The following KIAA0825 variants were observed in gnomAD, a reference collection of about 807,000 sequenced individuals.
The protein encoded by KIAA0825 is KIAA0825.
In KIAA0825, 119 loss-of-function variants were observed where a neutral mutation model predicts 147.6. The observed-to-expected ratio is 0.81, with a 90% CI of 0.69 to 0.94. KIAA0825 has a LOEUF of 0.94. Among genes scored for constraint, KIAA0825 ranks in the 40% least tolerant of loss-of-function variants. KIAA0825 has a pLI of 0.00. For synonymous variants in KIAA0825, 470 were observed against 518.1 expected, an observed-to-expected ratio of 0.91 and a Z score of 1.26; for missense variants, 1,381 against 1,472.7, an observed-to-expected ratio of 0.94 and a Z score of 1.02.
intron 1 of KIAA0825, among the ~76,000 whole-genome samples, chr5:94,595,610 C>A (rs1229417935): frequency 6.6e-6 from 1 of 152,210 alleles, no homozygotes; most frequent in Non-Finnish European, 1.5e-5. Flanking sequence ...CTCCTCGTTA[C>A]TTACGCAAAT....
chr5:94,485,714 T>G (rs1762977036), intron 5 of KIAA0825, among the ~76,000 whole-genome samples: 1 of 151,838 alleles, frequency 6.6e-6, no homozygotes, highest in Non-Finnish European at 1.5e-5. Flanking sequence ...TTATTTGTAT[T>G]ATCCTGGCAA....
chr5:94,311,969 G>A (rs1297926769), intron 20 of KIAA0825, among the ~76,000 whole-genome samples: 3 of 151,616 alleles, frequency 2.0e-5, no homozygotes, highest in Non-Finnish European at 4.4e-5. Context: ...GCCCACCAGA[G>A]CTCCAGAGCT....
At chr5:94,241,672 G>A (rs1327902547) in intron 20 of KIAA0825, among the ~76,000 whole-genome samples, 1 of 152,036 alleles carries the variant, frequency 6.6e-6, no homozygotes. Context: ...TCCTACATTT[G>A]GGGAGTTTCA....
chr5:94,425,612 A>C (rs1450489481), intron 14 of KIAA0825, among the ~76,000 whole-genome samples: 1 of 152,118 alleles, frequency 6.6e-6, no homozygotes, highest in Non-Finnish European at 1.5e-5. Flanking sequence ...CCCCATCTCA[A>C]CAAAACAAAA....
rs1312924211 is a variant in KIAA0825, at chr5:94,173,021, G to A, written c.3711-18897C>T. ...TAATACCTTGCTTTCTAGATATGAA[G>A]CTATTATTTTTAGTAATAAAGTTAA... On this transcript the variant is annotated intron_variant, in intron 20 of 20. Transcript: ENST00000682413. Among the ~76,000 whole-genome samples the A allele has an allele frequency of 2.6e-5, 4 of 152,080 alleles. No individual in the cohort carries two copies. In the East Asian group the frequency reaches 7.7e-4, roughly 29 times the overall value.
At chr5:94,287,374 A>G (rs1385212919) in intron 20 of KIAA0825, among the ~76,000 whole-genome samples, 6 of 152,156 alleles carry the variant, frequency 3.9e-5, no homozygotes, top group Admixed American at 2.6e-4. Context: ...AGCAAGCATC[A>G]TTTCCTGAAT....
At chr5:94,477,316 CA>C (rs1399546172) in intron 6 of KIAA0825, 111 bp from the exon 7 acceptor site, 1 of 657,518 alleles carries the variant, frequency 1.5e-6, no homozygotes, top group Non-Finnish European at 2.7e-6. Flanking sequence ...GTTCTATCCA[CA>C]GTACATACAT....
At chr5:94,447,209 G>A (rs1330445433) in intron 13 of KIAA0825, among the ~76,000 whole-genome samples, 2 of 152,034 alleles carry the variant, frequency 1.3e-5, no homozygotes, top group African/African-American at 4.8e-5. Flanking sequence ...CATATATTAT[G>A]GATCTGTAGT....
intron 12 of KIAA0825, among the ~76,000 whole-genome samples, chr5:94,462,061 G>A (rs1403629636): frequency 1.3e-5 from 2 of 151,766 alleles, no homozygotes; most frequent in African/African-American, 2.4e-5. Flanking sequence ...AAATCACTGC[G>A]ATAACCAGGC....
intron 20 of KIAA0825, among the ~76,000 whole-genome samples, chr5:94,191,489 T>C (rs1770676518): frequency 6.6e-6 from 1 of 152,204 alleles, no homozygotes; most frequent in African/African-American, 2.4e-5. Context: ...TCATTTTAAA[T>C]GCCATAATTA....
chr5:94,569,004 T>C (rs1779300322), intron 2 of KIAA0825: 1 of 168,078 alleles, frequency 5.9e-6, no homozygotes, highest in Non-Finnish European at 1.3e-5. Flanking sequence ...AACCAGTAAC[T>C]ACCACCAATC....
At chr5:94,276,795 CCT>C (rs1777243016) in intron 20 of KIAA0825, among the ~76,000 whole-genome samples, 1 of 152,072 alleles carries the variant, frequency 6.6e-6, no homozygotes, top group African/African-American at 2.4e-5. Flanking sequence ...TATCAAACAG[CCT>C]TATGGCTAGG....
At chr5:94,330,745 G>C (rs542501425) in intron 20 of KIAA0825, among the ~76,000 whole-genome samples, 1 of 152,110 alleles carries the variant, frequency 6.6e-6, no homozygotes, top group Non-Finnish European at 1.5e-5. Context: ...TCAAAAGTCA[G>C]TTCTTTAAAA....
intron 17 of KIAA0825, among the ~76,000 whole-genome samples, chr5:94,392,498 C>CA (rs1209535061): frequency 1.3e-5 from 2 of 152,084 alleles, no homozygotes; most frequent in Admixed American, 6.6e-5. Context: ...TATACCAGTG[C>CA]AAAAAATTAT....
At position 94,471,190 on chromosome 5, in the gene KIAA0825, C is replaced by T. The variant is rs62364613; in HGVS notation, c.1721+276G>A. On this transcript the variant is annotated intron_variant, in intron 9 of 20. Transcript: ENST00000682413. ...TGTTTATTCATGTAATAACAACATGCGGAAAATAGTTGCGCTGGGTTAGGG... is the reference window on the plus strand; with the variant it reads ...TGTTTATTCATGTAATAACAACATGTGGAAAATAGTTGCGCTGGGTTAGGG... Among the ~76,000 whole-genome samples, 1,244 of 152,162 alleles carry T rather than the reference C, an allele frequency of 8.2e-3. 9 individuals are homozygous for T. Among genetic ancestry groups the T allele is most frequent in the Non-Finnish European group, 0.011 (756 of 68,006 alleles).
intron 20 of KIAA0825, among the ~76,000 whole-genome samples, chr5:94,288,210 A>G (rs1777737255): frequency 6.6e-6 from 1 of 152,100 alleles, no homozygotes; most frequent in East Asian, 1.9e-4. Context: ...CTGTAGGTGA[A>G]TGGCTTTATC....
At chr5:94,540,515 G>A (rs73145077) in intron 2 of KIAA0825, among the ~76,000 whole-genome samples, 26,464 of 152,128 alleles carry the variant, frequency 0.17, 3,525 homozygotes, top group African/African-American at 0.37. Flanking sequence ...TCCAATTCCC[G>A]CCTTAGGGAA....
In KIAA0825 at chr5:94,152,844, AAAAAAAAAAAATTATAT is replaced by A. The variant is rs1766619555; in HGVS notation, c.*1146_*1162del. The A allele has an allele frequency of 1.1e-4, 4 of 36,286 alleles. No individual in the cohort carries two copies. The highest frequency in any genetic ancestry group is 5.7e-4 in the East Asian group (1 of 1,746). The allele number at this position is 36,286 out of a possible 1,614,324, so 2.2% of individuals were successfully genotyped here. A position where few individuals can be genotyped will look rare whatever the true frequency, so the allele number is the denominator to read the frequency against. ...ATGAAAAAAAAAAAAAAAAAAAAAA[AAAAAAAAAAAATTATAT>A]ATATATATATATATATATATATATA... On this transcript the variant is annotated 3_prime_UTR_variant, in exon 21 of 21. Transcript: ENST00000682413.
chr5:94,477,190 G>T lies in KIAA0825; in HGVS notation c.1148C>A (p.Ser383Tyr), dbSNP rs1761990237. 7 of 1,548,140 alleles carry T rather than the reference G, an allele frequency of 4.5e-6. No homozygotes were observed. The highest frequency in any genetic ancestry group is 6.1e-6 in the Non-Finnish European group (7 of 1,145,442). The change falls in exon 7 of 21, where the codon TCC becomes TAC. Residue 383 changes from serine (S) to tyrosine (Y), a missense_variant. Coordinates refer to ENST00000682413, the MANE Select transcript of KIAA0825 (RefSeq NM_001145678.3). ...TTTTTCCATTACAACCTCTCTATCG[G>T]ATTTCTCCAAAATTCCTAAGCAATA... ...TRDTSGILEK[S>Y]DREVVMEKPR...
Sources: gnomAD v4.1 joint callset for allele counts (sites outside exome capture counted in the v4.1 genomes callset) on GRCh38, gnomAD v4.1.1 for gene constraint, MANE v1.5 for transcripts, NCBI Gene and HGNC (gene_info 2026-07-23, HGNC 2026-07-21) for gene names.